Variants in MBD5 observed in about 807,000 individuals in gnomAD.
The protein encoded by MBD5 is methyl-CpG binding domain protein 5.
A neutral mutation model predicts 117.3 loss-of-function variants in MBD5; 13 were observed. That is an observed-to-expected ratio of 0.11 (90% CI 0.07 to 0.18). MBD5 has a LOEUF of 0.18. Among genes scored for constraint, MBD5 ranks in the 10% least tolerant of loss-of-function variants. The pLI is 1.00. For missense variants in MBD5, 1,879 were observed against 2,093.8 expected (o/e 0.90, Z 2.00); for synonymous variants, 727 against 766.4 (o/e 0.95, Z 0.85).
intron 4 of MBD5, among the ~76,000 whole-genome samples, chr2:148,410,397 A>G (rs1211676501): frequency 1.3e-5 from 2 of 151,636 alleles, no homozygotes; most frequent in South Asian, 4.2e-4. Context: ...TCTTTTTCTT[A>G]TTGGTTTGTA....
At chr2:148,119,461 C>T (rs1213958056) in intron 1 of MBD5, among the ~76,000 whole-genome samples, 1 of 152,110 alleles carries the variant, frequency 6.6e-6, no homozygotes, top group Non-Finnish European at 1.5e-5. Context: ...TATGGGTTTT[C>T]ACCTTCTTGA....
At chr2:148,474,511 T>C (rs994228086) in intron 8 of MBD5, among the ~76,000 whole-genome samples, 5 of 152,208 alleles carry the variant, frequency 3.3e-5, no homozygotes, top group African/African-American at 7.2e-5. Context: ...AAATGACTTT[T>C]ATGTTCTCTT....
intron 3 of MBD5, among the ~76,000 whole-genome samples, chr2:148,340,004 C>T (rs967473690): frequency 1.3e-5 from 2 of 152,052 alleles, no homozygotes; most frequent in Non-Finnish European, 2.9e-5. Flanking sequence ...TTCTTCTACT[C>T]ACCAACATCT....
intron 3 of MBD5, among the ~76,000 whole-genome samples, chr2:148,341,160 C>A (rs1303827130): frequency 6.6e-6 from 1 of 151,956 alleles, no homozygotes; most frequent in Non-Finnish European, 1.5e-5. Flanking sequence ...CCCCTGTCAT[C>A]CTCCTCCCAC....
chr2:148,503,330 G>A (rs1005727740), intron 12 of MBD5, among the ~76,000 whole-genome samples: 1 of 151,962 alleles, frequency 6.6e-6, no homozygotes, highest in Non-Finnish European at 1.5e-5. Flanking sequence ...CCCAAATATT[G>A]ACACATAGGC....
chr2:148,324,148 G>C (rs1286192068), intron 3 of MBD5, among the ~76,000 whole-genome samples: 3 of 152,060 alleles, frequency 2.0e-5, no homozygotes, highest in African/African-American at 4.8e-5. Context: ...AGATCAGGTA[G>C]TTGTAGATAT....
chr2:148,308,462 A>T (rs965929963), intron 3 of MBD5, among the ~76,000 whole-genome samples: 1 of 119,174 alleles, frequency 8.4e-6, no homozygotes, highest in East Asian at 2.4e-4. Context: ...CTGTTCATAT[A>T]CTTCTCCCAC....
chr2:148,256,304 C>A (rs940404109), intron 3 of MBD5, among the ~76,000 whole-genome samples: 7 of 152,212 alleles, frequency 4.6e-5, no homozygotes, highest in Admixed American at 4.6e-4. Flanking sequence ...GCCACAAGGC[C>A]ACATCTCATG....
Position 148,458,247 on chromosome 2 carries a change from C to G in MBD5, c.-512C>G. The G allele has an allele frequency of 2.5e-6, 1 of 402,942 alleles. No individual in the cohort carries two copies. The highest frequency in any genetic ancestry group is 1.2e-4 in the South Asian group (1 of 8,344). 25.0% of individuals were successfully genotyped at this position (402,942 alleles called of 1,614,324 possible). ...GAAGTCATGAAAACATCAGATGAAC[C>G]AACCTGCAACACCTTGGATTCAGAT... On this transcript the variant is annotated 5_prime_UTR_variant, in exon 5 of 14. Transcript: ENST00000642680.
At chr2:148,148,548 C>T (rs1697536361) in intron 1 of MBD5, among the ~76,000 whole-genome samples, 1 of 152,210 alleles carries the variant, frequency 6.6e-6, no homozygotes, top group Non-Finnish European at 1.5e-5. Context: ...CTCAAAGTTT[C>T]TAATTCAATA....
chr2:148,470,096 A>G lies in MBD5; in HGVS notation c.2153A>G (p.Asn718Ser), dbSNP rs1680743536. 15 of 1,613,744 alleles carry G rather than the reference A, an allele frequency of 9.3e-6. No individual in the cohort carries two copies. In the South Asian group the frequency reaches 1.6e-4, roughly 18 times the overall value. Residue 718 changes from asparagine (N) to serine (S), a missense_variant, in exon 8 of 14, where the codon AAT becomes AGT. By Grantham distance (46) the Asn-to-Ser change is conservative. This residue lies in a region of MBD5 where 1,666 missense variants were observed against 1,792.2 expected (regional missense o/e 0.93). Transcript: ENST00000642680. ...MSCQSSHLSS[N>S]STPGCGASNT... ...TGTCAAAGCTCTCACTTGAGTAGCA[A>G]TAGTACCCCGGGTTGTGGGGCCTCA...
chr2:148,286,056 A>G (rs1328659530), intron 3 of MBD5, among the ~76,000 whole-genome samples: 1 of 152,166 alleles, frequency 6.6e-6, no homozygotes, highest in African/African-American at 2.4e-5. Context: ...TATAGTATTT[A>G]GCAATAATAT....
intron 1 of MBD5, among the ~76,000 whole-genome samples, chr2:148,097,259 G>A (rs893972529): frequency 2.0e-5 from 3 of 152,270 alleles, no homozygotes; most frequent in African/African-American, 7.2e-5. Context: ...TAAATTCAAA[G>A]TGGTGGCACT....
At chr2:148,312,598 G>A (rs1172820894) in intron 3 of MBD5, among the ~76,000 whole-genome samples, 3 of 152,114 alleles carry the variant, frequency 2.0e-5, no homozygotes, top group African/African-American at 7.2e-5. Flanking sequence ...GTTAGAACAT[G>A]CTCCTTTAGC....
At position 148,130,007 on chromosome 2, in the gene MBD5, C is replaced by T. The variant is rs186370748; in HGVS notation, c.-924-48693C>T. On this transcript the variant is annotated intron_variant, in intron 1 of 13. Transcript: ENST00000642680. ...GTTCCAAATAATTGTGATTCAAATA[C>T]AGTTTTCAAATTTAAGCAATTTCAT... 2.5e-3 allele frequency among the ~76,000 whole-genome samples: 383 copies of T among 152,176 alleles called. 1 individual carries two copies. The highest frequency in any genetic ancestry group is 9.1e-3 in the African/African-American group (379 of 41,528).
chr2:148,496,609 T>C (rs1458540030), intron 11 of MBD5, among the ~76,000 whole-genome samples: 1 of 152,232 alleles, frequency 6.6e-6, no homozygotes, highest in Admixed American at 6.5e-5. Context: ...TTAAACATTG[T>C]TTCCTTAGAA....
At chr2:148,306,205 G>A (rs1016688449) in intron 3 of MBD5, among the ~76,000 whole-genome samples, 1 of 152,170 alleles carries the variant, frequency 6.6e-6, no homozygotes, top group Non-Finnish European at 1.5e-5. Flanking sequence ...GGTATCCAGA[G>A]TTTCCTGGGC....
intron 4 of MBD5, among the ~76,000 whole-genome samples, chr2:148,451,928 T>C (rs1003456504): frequency 3.9e-5 from 6 of 152,200 alleles, no homozygotes; most frequent in African/African-American, 1.4e-4. Flanking sequence ...GCTTGATAAA[T>C]CAATAATTAA....
intron 8 of MBD5, among the ~76,000 whole-genome samples, chr2:148,473,405 G>A (rs1158999993): frequency 6.6e-6 from 1 of 152,020 alleles, no homozygotes; most frequent in Non-Finnish European, 1.5e-5. Flanking sequence ...TGGTAGCACA[G>A]TGAGGATGAA....
Sources: allele counts gnomAD v4.1 joint callset (sites outside exome capture counted in the v4.1 genomes callset), GRCh38; gene constraint gnomAD v4.1.1; regional missense constraint gnomAD v4.1.1; transcripts MANE v1.5; gene names NCBI Gene and HGNC (gene_info 2026-07-23, HGNC 2026-07-21).